NYAP2: variants seen among roughly 807,000 people sequenced by gnomAD.
NYAP2 encodes neuronal tyrosine-phosphorylated phosphoinositide-3-kinase adapter 2.
Under a neutral mutation model 50.4 loss-of-function variants are expected in NYAP2, and 23 were observed. The observed-to-expected ratio is 0.46, with a 90% confidence interval of 0.33 to 0.65. The LOEUF (loss-of-function observed/expected upper bound fraction) is 0.65, where lower values mean the gene tolerates loss of function less well. Among genes scored for constraint, NYAP2 ranks in the 30% least tolerant of loss-of-function variants. The pLI, the probability that NYAP2 is intolerant of heterozygous loss-of-function variation, is 0.02. For missense variants in NYAP2, 885 were observed against 861.0 expected (o/e 1.03, Z -0.35); for synonymous variants, 394 against 365.2 (o/e 1.08, Z -0.90).
intron 6 of NYAP2, among the ~76,000 whole-genome samples, chr2:225,644,047 T>C (rs1196061493): frequency 8.1e-5 from 12 of 149,036 alleles, no homozygotes; most frequent in Admixed American, 2.0e-4. Context: ...TGAACTAGTT[T>C]ACAGTCCCAC....
chr2:225,513,318 G>A (rs912982977), intron 3 of NYAP2, 53 bp from the exon 4 acceptor site: 17 of 1,536,078 alleles, frequency 1.1e-5, no homozygotes, highest in Middle Eastern at 1.7e-4. Context: ...GTATGATCTT[G>A]TATATCCTGG....
At chr2:225,671,339 A>T in the NYAP2 span, among the ~76,000 whole-genome samples, 1 of 152,184 alleles carries the variant, frequency 6.6e-6, no homozygotes, top group Non-Finnish European at 1.5e-5. Context: ...CAATGTTCAT[A>T]GCACCTTTAC....
chr2:225,691,397 T>TA, the NYAP2 span, among the ~76,000 whole-genome samples: 1 of 152,166 alleles, frequency 6.6e-6, no homozygotes, highest in African/African-American at 2.4e-5. Context: ...CACTTCATTT[T>TA]AGTTTTTTAA....
intron 4 of NYAP2, among the ~76,000 whole-genome samples, 153 bp downstream of exon 4, chr2:225,513,825 T>C (rs890402766): frequency 9.2e-5 from 14 of 152,220 alleles, no homozygotes; most frequent in Non-Finnish European, 7.3e-5. Context: ...GGAAGGTTAT[T>C]TATTGATGTG....
At chr2:225,677,243 G>A in the NYAP2 span, among the ~76,000 whole-genome samples, 18 of 152,088 alleles carry the variant, frequency 1.2e-4, no homozygotes, top group South Asian at 4.2e-4. Flanking sequence ...AATGCTACTC[G>A]TTTTTGCACA....
At chr2:225,575,358 AG>A (rs1692153253) in intron 4 of NYAP2, among the ~76,000 whole-genome samples, 1 of 152,290 alleles carries the variant, frequency 6.6e-6, no homozygotes, top group Admixed American at 6.5e-5. Context: ...TACCAGTTTT[AG>A]GTATGTATAA....
intron 4 of NYAP2, among the ~76,000 whole-genome samples, chr2:225,516,141 T>G (rs910921928): frequency 2.0e-5 from 3 of 152,126 alleles, no homozygotes; most frequent in African/African-American, 7.2e-5. Context: ...GGCCATTCAC[T>G]TGTCTTAAAA....
At chr2:225,606,553 C>A (rs1024789077) in intron 5 of NYAP2, among the ~76,000 whole-genome samples, 1 of 152,146 alleles carries the variant, frequency 6.6e-6, no homozygotes, top group South Asian at 2.1e-4. Context: ...ACTGCTTTGA[C>A]TTTTCAGTCA....
the NYAP2 span, among the ~76,000 whole-genome samples, chr2:225,691,975 GC>G: frequency 1.3e-5 from 2 of 152,046 alleles, no homozygotes; most frequent in Admixed American, 1.3e-4. Context: ...TGACAATGTT[GC>G]CCCAGATCAT....
chr2:225,638,729 C>G (rs1045524109), intron 6 of NYAP2, among the ~76,000 whole-genome samples: 3 of 152,188 alleles, frequency 2.0e-5, no homozygotes, highest in African/African-American at 7.2e-5. Flanking sequence ...AACACCTTTC[C>G]CAGCCAGAGG....
At chr2:225,599,560 G>T (rs1165262194) in intron 5 of NYAP2, among the ~76,000 whole-genome samples, 2 of 152,222 alleles carry the variant, frequency 1.3e-5, no homozygotes, top group East Asian at 3.9e-4. Context: ...CCTCTAAAGT[G>T]CAGCCACAGA....
At chr2:225,453,985 ATT>A (rs1197985467) in intron 3 of NYAP2, among the ~76,000 whole-genome samples, 1 of 151,556 alleles carries the variant, frequency 6.6e-6, no homozygotes, top group African/African-American at 2.4e-5. Flanking sequence ...CCATCTATTA[ATT>A]TTTTTATAGA....
intron 5 of NYAP2, among the ~76,000 whole-genome samples, chr2:225,615,236 G>A (rs1306720399): frequency 2.0e-5 from 3 of 152,126 alleles, no homozygotes; most frequent in Non-Finnish European, 2.9e-5. Context: ...CTAGTCTCTT[G>A]ACTTCCTCAG....
At chr2:225,691,591 C>T in the NYAP2 span, among the ~76,000 whole-genome samples, 2 of 152,012 alleles carry the variant, frequency 1.3e-5, no homozygotes, top group African/African-American at 4.8e-5. Flanking sequence ...AAAAATCAAC[C>T]TCTTTGCCCA....
chr2:225,452,665 G>A (rs1049469264), intron 3 of NYAP2, among the ~76,000 whole-genome samples: 10 of 152,168 alleles, frequency 6.6e-5, no homozygotes, highest in Non-Finnish European at 1.2e-4. Flanking sequence ...CAACCCAAGA[G>A]TGCCTAGAGT....
At chr2:225,602,427 C>A (rs148330935) in intron 5 of NYAP2, among the ~76,000 whole-genome samples, 138 of 152,208 alleles carry the variant, frequency 9.1e-4, no homozygotes, top group African/African-American at 3.0e-3. Context: ...TGGAGGCAGG[C>A]TTTTTCTTAT....
intron 5 of NYAP2, among the ~76,000 whole-genome samples, chr2:225,597,519 A>C (rs1163277423): frequency 2.7e-5 from 3 of 110,354 alleles, no homozygotes; most frequent in Admixed American, 1.0e-4. Context: ...AGAAATATAT[A>C]TATATATATA....
At chr2:225,647,364 T>A (rs951698813) in intron 6 of NYAP2, among the ~76,000 whole-genome samples, 7 of 152,340 alleles carry the variant, frequency 4.6e-5, no homozygotes, top group Admixed American at 2.0e-4. Flanking sequence ...TACTAGGATA[T>A]TGTATCTATG....
chr2:225,603,727 T>G (rs1015666213), intron 5 of NYAP2, among the ~76,000 whole-genome samples: 2 of 152,194 alleles, frequency 1.3e-5, no homozygotes, highest in African/African-American at 2.4e-5. Context: ...GTGAACTGGT[T>G]CTGGTGACAC....
Sources: gnomAD v4.1 joint callset for allele counts (sites outside exome capture counted in the v4.1 genomes callset) on GRCh38, gnomAD v4.1.1 for gene constraint, MANE v1.5 for transcripts, NCBI Gene and HGNC (gene_info 2026-07-23, HGNC 2026-07-21) for gene names.